The following SLC16A10 variants were observed in gnomAD, a reference collection of about 807,000 sequenced individuals.
SLC16A10 encodes the protein monocarboxylate transporter 10.
Under a neutral mutation model 40.0 loss-of-function variants are expected in SLC16A10, and 27 were observed. The ratio of observed to expected loss-of-function variants is 0.67; its 90% CI spans 0.50 to 0.93. The LOEUF is 0.93. SLC16A10 is among the 40% of genes least tolerant of loss of function. The probability of loss-of-function intolerance (pLI) is 0.00; values close to 1 mark genes in which losing one functional copy is unlikely to be tolerated. For synonymous variants in SLC16A10, 213 were observed against 249.8 expected (o/e 0.85, Z 1.39); for missense variants, 529 against 658.2 (o/e 0.80, Z 2.15).
chr6:111,218,780 G>A (rs765614207), intron 4 of SLC16A10, 34 bp from the exon 5 acceptor site: 2 of 1,573,400 alleles, frequency 1.3e-6, no homozygotes, highest in South Asian at 2.2e-5. Context: ...TTTGCTTCCT[G>A]CGAGCGGAGC....
At chr6:111,212,879 T>A (rs181206093) in intron 4 of SLC16A10, among the ~76,000 whole-genome samples, 2 of 152,040 alleles carry the variant, frequency 1.3e-5, no homozygotes, top group East Asian at 3.9e-4. Context: ...CGTAGAATAA[T>A]AATGGTTAAA....
At chr6:111,181,986 T>C (rs1219227474) in intron 3 of SLC16A10, among the ~76,000 whole-genome samples, 1 of 151,892 alleles carries the variant, frequency 6.6e-6, no homozygotes, top group African/African-American at 2.4e-5. Flanking sequence ...TTTTGTTTTG[T>C]TTTGTTTTGT....
intron 1 of SLC16A10, among the ~76,000 whole-genome samples, chr6:111,109,357 C>T (rs938905148): frequency 6.6e-5 from 10 of 152,040 alleles, no homozygotes; most frequent in Admixed American, 3.3e-4. Context: ...GTTTTTCACT[C>T]AGCATGATGC....
At chr6:111,103,992 T>TA (rs1351052824) in intron 1 of SLC16A10, among the ~76,000 whole-genome samples, 2 of 152,192 alleles carry the variant, frequency 1.3e-5, no homozygotes, top group Admixed American at 6.5e-5. Flanking sequence ...GATTTAAACT[T>TA]AAGTCTCCAG....
At chr6:111,152,362 G>C (rs1016101570) in intron 1 of SLC16A10, among the ~76,000 whole-genome samples, 6 of 152,190 alleles carry the variant, frequency 3.9e-5, no homozygotes, top group Admixed American at 6.5e-5. Context: ...TCAGCATCTA[G>C]AATAGTGCTG....
At chr6:111,118,458 G>A (rs1771527146) in intron 1 of SLC16A10, among the ~76,000 whole-genome samples, 1 of 152,060 alleles carries the variant, frequency 6.6e-6, no homozygotes, top group African/African-American at 2.4e-5. Flanking sequence ...GAGGCGGGCG[G>A]ATCACGAGGT....
chr6:111,211,035 A>T (rs900839562), intron 4 of SLC16A10, among the ~76,000 whole-genome samples: 1 of 151,922 alleles, frequency 6.6e-6, no homozygotes, highest in Non-Finnish European at 1.5e-5. Context: ...AAAAAAAAAA[A>T]AAAAGTAGTG....
chr6:111,130,474 C>G (rs1441103308), intron 1 of SLC16A10, among the ~76,000 whole-genome samples: 1 of 152,190 alleles, frequency 6.6e-6, no homozygotes, highest in African/African-American at 2.4e-5. Context: ...GATGGACTCC[C>G]CCTTTTTGGG....
intron 1 of SLC16A10, among the ~76,000 whole-genome samples, chr6:111,168,580 C>A (rs528766036): frequency 6.6e-6 from 1 of 152,258 alleles, no homozygotes; most frequent in East Asian, 1.9e-4. Flanking sequence ...TGTTTAGATG[C>A]CATGTTAAAA....
At chr6:111,206,181 A>G (rs1480589255) in intron 3 of SLC16A10, among the ~76,000 whole-genome samples, 1 of 148,754 alleles carries the variant, frequency 6.7e-6, no homozygotes, top group Admixed American at 6.6e-5. Flanking sequence ...GGTTCAAGCT[A>G]TTCTCCTGCC....
intron 1 of SLC16A10, among the ~76,000 whole-genome samples, chr6:111,111,180 C>A (rs895531167): frequency 2.6e-5 from 4 of 151,852 alleles, no homozygotes; most frequent in African/African-American, 9.7e-5. Flanking sequence ...AAATTTTATG[C>A]TATAAATTTT....
chr6:111,109,391 G>T (rs1056074037), intron 1 of SLC16A10, among the ~76,000 whole-genome samples: 2 of 150,792 alleles, frequency 1.3e-5, no homozygotes, highest in African/African-American at 4.9e-5. Flanking sequence ...CCTTGTTGTG[G>T]TATGTATTAG....
At position 111,172,765 on chromosome 6, in the gene SLC16A10, A is replaced by G. The variant is rs753175790; in HGVS notation, c.414A>G (p.Leu138=). Residue 138 remains leucine (L), a synonymous_variant, in exon 2 of 6, where the codon CTA becomes CTG. Coordinates refer to ENST00000368851, the MANE Select transcript of SLC16A10 (RefSeq NM_018593.5). ...CAATAGTCAGCGTCTTCACAGACCTATTTGGTTGTCGGAAAACAGCTGTCG... is the reference window on the plus strand; with the variant it reads ...CAATAGTCAGCGTCTTCACAGACCTGTTTGGTTGTCGGAAAACAGCTGTCG... ...CCPIVSVFTD[L]FGCRKTAVVG... The G allele has an allele frequency of 1.5e-5, 24 of 1,613,988 alleles. No homozygotes were observed. In the African/African-American group the frequency reaches 2.8e-4, roughly 19 times the overall value.
chr6:111,122,488 C>G (rs868162392), intron 1 of SLC16A10, among the ~76,000 whole-genome samples: 6 of 152,110 alleles, frequency 3.9e-5, no homozygotes, highest in Non-Finnish European at 8.8e-5. Flanking sequence ...GGGGAGGAAC[C>G]CTTGCCTTTA....
chr6:111,219,690 A>T (rs1433500434), intron 5 of SLC16A10, among the ~76,000 whole-genome samples: 3 of 151,358 alleles, frequency 2.0e-5, no homozygotes, highest in Non-Finnish European at 4.4e-5. Context: ...CTACAGTGCA[A>T]TATTATTCAG....
chr6:111,101,035 T>C (rs541590811), intron 1 of SLC16A10, among the ~76,000 whole-genome samples: 1 of 146,190 alleles, frequency 6.8e-6, no homozygotes, highest in African/African-American at 2.5e-5. Context: ...TGTATATATA[T>C]TTTTTCTTTT....
At chr6:111,172,047 T>C (rs979597794) in intron 1 of SLC16A10, among the ~76,000 whole-genome samples, 7 of 152,288 alleles carry the variant, frequency 4.6e-5, no homozygotes, top group African/African-American at 1.2e-4. Flanking sequence ...CTCTAAATTA[T>C]TAAGTGCTTA....
intron 1 of SLC16A10, among the ~76,000 whole-genome samples, chr6:111,158,823 T>C (rs775828885): frequency 2.6e-5 from 4 of 152,074 alleles, no homozygotes; most frequent in Non-Finnish European, 5.9e-5. Context: ...CAGTGGCTCA[T>C]GCCTGTAATG....
chr6:111,194,812 C>CT (rs1379910041), intron 3 of SLC16A10, among the ~76,000 whole-genome samples: 1 of 152,178 alleles, frequency 6.6e-6, no homozygotes, highest in Non-Finnish European at 1.5e-5. Flanking sequence ...GAGGACAATT[C>CT]TTAGCTTCCT....
Sources: allele counts gnomAD v4.1 joint callset (sites outside exome capture counted in the v4.1 genomes callset), GRCh38; gene constraint gnomAD v4.1.1; transcripts MANE v1.5; gene names NCBI Gene and HGNC (gene_info 2026-07-23, HGNC 2026-07-21).